The following HIVEP3 variants were observed in gnomAD, a reference collection of about 807,000 sequenced individuals.
The protein encoded by HIVEP3 is HIVEP zinc finger 3.
In HIVEP3, 49 loss-of-function variants were observed where a neutral mutation model predicts 152.8. That is an observed-to-expected ratio of 0.32 (90% CI 0.26 to 0.41). The LOEUF is 0.41. Among genes scored for constraint, HIVEP3 ranks in the 10% least tolerant of loss-of-function variants. HIVEP3 has a pLI of 1.00. For synonymous variants in HIVEP3, 1,269 were observed against 1,289.0 expected (o/e 0.98, Z 0.33); for missense variants, 2,790 against 3,103.3 (o/e 0.90, Z 2.40).
Position 41,508,056 on chromosome 1 carries a change from A to T in HIVEP3, c.*2395T>A, listed in dbSNP as rs1350860481. The stretch of plus-strand genomic sequence containing the variant: ...TTCATTGCTAGGCTGCCCAGGGAGG[A>T]AACCTTGGGTGGGTAGGCTGTTTGA... On this transcript the variant is annotated 3_prime_UTR_variant, in exon 9 of 9. Coordinates refer to ENST00000372583, the MANE Select transcript of HIVEP3 (RefSeq NM_024503.5). The T allele has an allele frequency of 6.6e-6, 1 of 152,176 alleles. No homozygotes were observed. Among genetic ancestry groups the T allele is most frequent in the Non-Finnish European group, 1.5e-5 (1 of 68,100 alleles). 9.4% of individuals were successfully genotyped at this position (152,176 alleles called of 1,614,324 possible).
chr1:41,736,252 G>A lies in HIVEP3; in HGVS notation c.-800-35257C>T, dbSNP rs1018332326. Among the ~76,000 whole-genome samples, 11 of 152,324 alleles carry A rather than the reference G, an allele frequency of 7.2e-5. No homozygotes were observed. In the South Asian group the frequency reaches 8.3e-4, roughly 11 times the overall value. Reference sequence around the variant, plus strand: ...CATTCGTTCTGGGGGAAACCTGAACGAATTTCCAATTGCATCCCCCGTGGT... The same window carrying A: ...CATTCGTTCTGGGGGAAACCTGAACAAATTTCCAATTGCATCCCCCGTGGT... On this transcript the variant is annotated intron_variant, in intron 1 of 8. Transcript: ENST00000372583.
chr1:41,946,188 C>T (rs991701422), intron 1 of HIVEP3, among the ~76,000 whole-genome samples: 11 of 152,200 alleles, frequency 7.2e-5, no homozygotes, highest in Admixed American at 3.3e-4. Context: ...AGAAATAAGC[C>T]GCCCCTCGTC....
chr1:41,813,373 T>C (rs977733167), intron 1 of HIVEP3, among the ~76,000 whole-genome samples: 12 of 152,232 alleles, frequency 7.9e-5, no homozygotes, highest in African/African-American at 2.7e-4. Context: ...AGTCCTATCA[T>C]GGCAGCTGGA....
At chr1:41,513,854 C>G in intron 7 of HIVEP3, 104 bp from the exon 8 acceptor site, 1 of 932,304 alleles carries the variant, frequency 1.1e-6, no homozygotes. Flanking sequence ...GCTGACTGGG[C>G]AAAATAGCCA....
intron 5 of HIVEP3, among the ~76,000 whole-genome samples, chr1:41,546,549 T>A (rs1214613886): frequency 6.6e-6 from 1 of 152,182 alleles, no homozygotes; most frequent in Non-Finnish European, 1.5e-5. Context: ...CTCCTGAAGC[T>A]GTGAGGCCTT....
At position 41,580,279 on chromosome 1, in the gene HIVEP3, A is replaced by T; in HGVS notation, c.4519T>A (p.Ser1507Thr). ...AGGGGAGGAATTTCCTTTGTGTCAG[A>T]TGGATCTGAGGACAGGCTGGACAGC... is the stretch of plus-strand genomic sequence containing the variant. ...EMLSSLSSDP[S>T]DTKEIPPLPH... is the part of the protein sequence containing the mutation. The change falls in exon 4 of 9, where the codon TCT (serine) becomes ACT (threonine). Residue 1507 changes from serine (S) to threonine (T), a missense_variant. Ser to Thr is a moderately conservative substitution (Grantham distance 58). Transcript: ENST00000372583. 2 of 1,614,102 alleles carry T rather than the reference A, an allele frequency of 1.2e-6. No individual in the cohort carries two copies. Among genetic ancestry groups the T allele is most frequent in the Non-Finnish European group, 1.7e-6 (2 of 1,179,992 alleles).
chr1:41,690,300 A>G (rs1251995578), intron 2 of HIVEP3, among the ~76,000 whole-genome samples: 1 of 152,218 alleles, frequency 6.6e-6, no homozygotes, highest in Non-Finnish European at 1.5e-5. Flanking sequence ...TTGTCTGAGA[A>G]ACATGGCTGG....
intron 1 of HIVEP3, among the ~76,000 whole-genome samples, chr1:41,789,371 G>A (rs570436825): frequency 2.1e-4 from 32 of 152,274 alleles, no homozygotes; most frequent in African/African-American, 7.2e-4. Flanking sequence ...GTTCATATGC[G>A]TACAAGGCAT....
At position 41,513,472 on chromosome 1, in the gene HIVEP3, A is replaced by C; in HGVS notation, c.5749T>G (p.Ser1917Ala). 2.5e-6 allele frequency: 4 copies of C among 1,610,998 alleles called. No individual in the cohort carries two copies. The highest frequency in any genetic ancestry group is 3.4e-6 in the Non-Finnish European group (4 of 1,179,380). Residue 1917 changes from serine (S) to alanine (A), a missense_variant, in exon 8 of 9, where the codon TCG (serine) becomes GCG (alanine). Transcript: ENST00000372583. ...GTCAGGCGCTCAGCTTCCGAGACCG[A>C]GCTGCCTCGTGTAGCCTCCGTGCCA... is the stretch of plus-strand genomic sequence containing the variant. ...ASGTEATRGSSVSEAERLTAS... is the reference protein window; with the variant it reads ...ASGTEATRGSAVSEAERLTAS...
intron 1 of HIVEP3, among the ~76,000 whole-genome samples, chr1:41,822,773 C>T (rs1399252293): frequency 6.6e-6 from 1 of 152,212 alleles, no homozygotes; most frequent in Admixed American, 6.5e-5. Flanking sequence ...CAACTCCAAG[C>T]GTCTTCCTAC....
intron 2 of HIVEP3, among the ~76,000 whole-genome samples, chr1:41,677,829 T>C (rs1570291983): frequency 6.6e-6 from 1 of 152,206 alleles, no homozygotes; most frequent in Non-Finnish European, 1.5e-5. Flanking sequence ...TGAGTGGTGA[T>C]GGGTCACCAA....
At chr1:41,732,748 G>A (rs1174611108) in intron 1 of HIVEP3, among the ~76,000 whole-genome samples, 2 of 152,056 alleles carry the variant, frequency 1.3e-5, no homozygotes, top group East Asian at 1.9e-4. Context: ...CTCTATCCCC[G>A]AGGACAAGGC....
chr1:41,555,501 A>C (rs1643952209), intron 5 of HIVEP3, among the ~76,000 whole-genome samples: 1 of 152,156 alleles, frequency 6.6e-6, no homozygotes, highest in Non-Finnish European at 1.5e-5. Context: ...CATGGGCTGC[A>C]CCCACTCTCC....
chr1:42,026,240 A>G (rs1645581453), intron 1 of HIVEP3, among the ~76,000 whole-genome samples: 1 of 152,148 alleles, frequency 6.6e-6, no homozygotes, highest in African/African-American at 2.4e-5. Context: ...ATCCAGCTTT[A>G]TATGGAGATG....
chr1:42,034,492 G>A (rs1025253919), intron 1 of HIVEP3, among the ~76,000 whole-genome samples: 5 of 152,128 alleles, frequency 3.3e-5, no homozygotes, highest in African/African-American at 1.2e-4. Flanking sequence ...ACACTACAAC[G>A]GCGCCTGATT....
intron 1 of HIVEP3, among the ~76,000 whole-genome samples, chr1:41,829,153 A>G (rs537463654): frequency 6.6e-6 from 1 of 152,154 alleles, no homozygotes; most frequent in Non-Finnish European, 1.5e-5. Flanking sequence ...ATGGAGTGGA[A>G]GCGTCACAGG....
chr1:41,656,094 C>T (rs1179648096), intron 2 of HIVEP3, among the ~76,000 whole-genome samples: 1 of 152,238 alleles, frequency 6.6e-6, no homozygotes, highest in African/African-American at 2.4e-5. Context: ...CCTGCCTCCT[C>T]TCCCATGAGT....
chr1:41,709,280 GT>G (rs1423243863), intron 1 of HIVEP3, among the ~76,000 whole-genome samples: 1 of 152,176 alleles, frequency 6.6e-6, no homozygotes, highest in Non-Finnish European at 1.5e-5. Context: ...GTCCCTTGTA[GT>G]TAGCTTTCTG....
intron 1 of HIVEP3, among the ~76,000 whole-genome samples, chr1:41,902,867 G>C (rs941388810): frequency 6.6e-6 from 1 of 152,184 alleles, no homozygotes; most frequent in African/African-American, 2.4e-5. Flanking sequence ...AAGACATCGA[G>C]GCTCTTACAG....
Sources: gnomAD v4.1 joint callset for allele counts (sites outside exome capture counted in the v4.1 genomes callset) on GRCh38, gnomAD v4.1.1 for gene constraint, MANE v1.5 for transcripts, NCBI Gene and HGNC (gene_info 2026-07-23, HGNC 2026-07-21) for gene names.